FOXRED1: variants seen among roughly 807,000 people sequenced by gnomAD.
FOXRED1 encodes the protein FAD-dependent oxidoreductase domain-containing protein 1.
In FOXRED1, 52 loss-of-function variants were observed where a neutral mutation model predicts 57.8. That is an observed-to-expected ratio of 0.90 (90% confidence interval 0.72 to 1.13). The LOEUF (loss-of-function observed/expected upper bound fraction) is 1.13, where lower values mean the gene tolerates loss of function less well. Ranked by LOEUF, FOXRED1 falls within the 50% of genes most tolerant of loss-of-function variation. FOXRED1 has a pLI of 0.00. For missense variants in FOXRED1, 589 were observed against 625.2 expected (o/e 0.94, Z 0.62); for synonymous variants, 271 against 248.3 (o/e 1.09, Z -0.86).
In FOXRED1 at chr11:126,275,983, C is replaced by T. The variant is rs1000331906; in HGVS notation, c.811-76C>T. The T allele has an allele frequency of 1.3e-6, 2 of 1,593,790 alleles. No homozygotes were observed. The highest frequency in any genetic ancestry group is 2.7e-5 in the African/African-American group (2 of 74,518). On this transcript the variant is annotated intron_variant, in intron 7 of 10. Transcript: ENST00000263578. The surrounding 1 kb of genome is among the most constrained non-coding windows in gnomAD (Gnocchi z 5.9). Reference sequence around the variant, plus strand: ...TTTCCAGTATGGGTAAACTAAGGCTCAGGAAGCAGTGCATCTCTCAGGGTG... The same window carrying T: ...TTTCCAGTATGGGTAAACTAAGGCTTAGGAAGCAGTGCATCTCTCAGGGTG...
chr11:126,273,190 A>G lies in FOXRED1; in HGVS notation c.417+111A>G. 1 of 951,724 alleles carries G rather than the reference A, an allele frequency of 1.1e-6. No homozygotes were observed. Among genetic ancestry groups the G allele is most frequent in the Admixed American group, 1.7e-5 (1 of 59,070 alleles). 59.0% of individuals were successfully genotyped at this position (951,724 alleles called of 1,614,324 possible). Reference sequence around the variant, plus strand: ...GAGAGCAAGAATGGGTCAGCCAACTAGGAGAGGGGGGCCCTGGCCTTCTTC... The same window carrying G: ...GAGAGCAAGAATGGGTCAGCCAACTGGGAGAGGGGGGCCCTGGCCTTCTTC... On this transcript the variant is annotated intron_variant, in intron 3 of 10. Transcript: ENST00000263578. This position sits in a 1 kb window ranked among gnomAD's most constrained non-coding sequence, Gnocchi z 5.9.
Position 126,274,859 on chromosome 11 carries a change from T to G in FOXRED1, c.537-68T>G. 1 of 902,526 alleles carries G rather than the reference T, an allele frequency of 1.1e-6. No homozygotes were observed. The highest frequency in any genetic ancestry group is 1.9e-6 in the Non-Finnish European group (1 of 530,330). 55.9% of individuals were successfully genotyped at this position (902,526 alleles called of 1,614,324 possible). A position where few individuals can be genotyped will look rare whatever the true frequency, so the allele number is the denominator to read the frequency against. On this transcript the variant is annotated intron_variant, in intron 4 of 10. Transcript: ENST00000263578. This position sits in a 1 kb window ranked among gnomAD's most constrained non-coding sequence, Gnocchi z 4.8. ...GGACTCCCCACTTGTGGAGTTGGGGTCCATACATCATCCCCCTGCACACTC... is the reference window on the plus strand; with the variant it reads ...GGACTCCCCACTTGTGGAGTTGGGGGCCATACATCATCCCCCTGCACACTC...
Position 126,277,896 on chromosome 11 carries a change from G to A in FOXRED1, c.*207G>A, listed in dbSNP as rs1951201509. The A allele has an allele frequency of 1.4e-6, 1 of 692,382 alleles. No homozygotes were observed. The highest frequency in any genetic ancestry group is 1.8e-5 in the African/African-American group (1 of 57,004). 42.9% of individuals were successfully genotyped at this position (692,382 alleles called of 1,614,324 possible). Reference sequence around the variant, plus strand: ...ATAGCGAGTGATGAGCGGGATCCTAGGACTGATCTGTAGCCCATGCTGATG... The same window carrying A: ...ATAGCGAGTGATGAGCGGGATCCTAAGACTGATCTGTAGCCCATGCTGATG... On this transcript the variant is annotated 3_prime_UTR_variant, in exon 11 of 11. Coordinates refer to ENST00000263578, the MANE Select transcript of FOXRED1 (RefSeq NM_017547.4). This position sits in a 1 kb window ranked among gnomAD's most constrained non-coding sequence, Gnocchi z 6.8.
At chr11:126,270,437 G>C (rs1451819280) in intron 1 of FOXRED1, among the ~76,000 whole-genome samples, 1 of 152,222 alleles carries the variant, frequency 6.6e-6, no homozygotes, top group African/African-American at 2.4e-5. Flanking sequence ...GGATTTTAGA[G>C]TATGTAACAA....
intron 1 of FOXRED1, among the ~76,000 whole-genome samples, chr11:126,269,824 T>C (rs530565981): frequency 6.6e-6 from 1 of 151,852 alleles, no homozygotes; most frequent in African/African-American, 2.4e-5. Context: ...CCGTCTCTAC[T>C]AAAAATACAA....
rs1302599273 is a variant in FOXRED1, at chr11:126,277,420, T to C, written c.1207-15T>C. 1 of 1,612,630 alleles carries C rather than the reference T, an allele frequency of 6.2e-7. No individual in the cohort carries two copies. The highest frequency in any genetic ancestry group is 1.1e-5 in the South Asian group (1 of 91,054). ...ACAGCCTTCCCGAGAACCCCAGTGT[T>C]TTGTGCACCCGCAGGTTCAGAGCGC... is the stretch of plus-strand genomic sequence containing the variant. On this transcript the variant is annotated splice_polypyrimidine_tract_variant and intron_variant, in intron 10 of 10. Coordinates refer to ENST00000263578, the MANE Select transcript of FOXRED1 (RefSeq NM_017547.4). This position sits in a 1 kb window ranked among gnomAD's most constrained non-coding sequence, Gnocchi z 6.8.
In FOXRED1 at chr11:126,269,394, G is replaced by A. The variant is rs575850448; in HGVS notation, c.85+103G>A. 4 of 1,601,556 alleles carry A rather than the reference G, an allele frequency of 2.5e-6. No individual in the cohort carries two copies. The Admixed American group carries it at 7.0e-5, about 28-fold the overall frequency. On this transcript the variant is annotated intron_variant, in intron 1 of 10. Transcript: ENST00000263578. The stretch of plus-strand genomic sequence containing the variant: ...AACCATGGCCCACACTGGCAGGACA[G>A]TGGGTCGGCTTGGGGAAGGGGGTTA...
Position 126,273,583 on chromosome 11 carries a change from A to C in FOXRED1, c.536+129A>C. On this transcript the variant is annotated intron_variant, in intron 4 of 10. Coordinates refer to ENST00000263578, the MANE Select transcript of FOXRED1 (RefSeq NM_017547.4). The surrounding 1 kb of genome is among the most constrained non-coding windows in gnomAD (Gnocchi z 5.9). Reference sequence around the variant, plus strand: ...CTGCGGTCTAGGACCTCAGTGTGTCAGGAAGAAAATACACAGACCTGCAAT... The same window carrying C: ...CTGCGGTCTAGGACCTCAGTGTGTCCGGAAGAAAATACACAGACCTGCAAT... 1 of 735,572 alleles carries C rather than the reference A, an allele frequency of 1.4e-6. No individual in the cohort carries two copies. The highest frequency in any genetic ancestry group is 2.5e-6 in the Non-Finnish European group (1 of 403,702). The allele number at this position is 735,572 out of a possible 1,614,324, so 45.6% of individuals were successfully genotyped here.
intron 8 of FOXRED1, 41 bp downstream of exon 8, chr11:126,276,260 A>C: frequency 1.5e-6 from 1 of 672,454 alleles, no homozygotes; most frequent in Non-Finnish European, 1.8e-6. Flanking sequence ...GGTGAGAAAG[A>C]AAGAAATGAC....
Position 126,273,258 on chromosome 11 carries a change from C to A in FOXRED1, c.418-78C>A. The A allele has an allele frequency of 8.6e-7, 1 of 1,161,334 alleles. No individual in the cohort carries two copies. The highest frequency in any genetic ancestry group is 1.3e-6 in the Non-Finnish European group (1 of 767,104). 71.9% of individuals were successfully genotyped at this position (1,161,334 alleles called of 1,614,324 possible). On this transcript the variant is annotated intron_variant, in intron 3 of 10. Transcript: ENST00000263578. The surrounding 1 kb of genome is among the most constrained non-coding windows in gnomAD (Gnocchi z 5.9). The stretch of plus-strand genomic sequence containing the variant: ...GGTCTGGGGCACTGAGCCTGGGGAG[C>A]TGTGGGGGAAGAAGGCAGGAAAACT...
rs1292632774 is a variant in FOXRED1 at position 126,271,303 on chromosome 11, T to A, written c.86-134T>A. 2.8e-6 allele frequency: 2 copies of A among 726,132 alleles called. No individual in the cohort carries two copies. The highest frequency in any genetic ancestry group is 5.2e-5 in the East Asian group (2 of 38,152). The allele number at this position is 726,132 out of a possible 1,614,324, so 45.0% of individuals were successfully genotyped here. On this transcript the variant is annotated intron_variant, in intron 1 of 10. Transcript: ENST00000263578. The surrounding 1 kb of genome is among the most constrained non-coding windows in gnomAD (Gnocchi z 5.3). Reference sequence around the variant, plus strand: ...AACACTGTTGGGTGCAAGGTGACCTTATGAGATGGGCTGACAGTGGGGACT... The same window carrying A: ...AACACTGTTGGGTGCAAGGTGACCTAATGAGATGGGCTGACAGTGGGGACT...
intron 9 of FOXRED1, 53 bp downstream of exon 9, chr11:126,276,576 C>T (rs560409280): frequency 1.7e-5 from 27 of 1,580,932 alleles, no homozygotes; most frequent in African/African-American, 1.2e-4. Flanking sequence ...ATAATTGTCA[C>T]GAAACAATCA....
intron 1 of FOXRED1, 146 bp downstream of exon 1, chr11:126,269,437 TG>T (rs1950911704): frequency 6.7e-7 from 1 of 1,486,412 alleles, no homozygotes. Context: ...TACCAGAGCT[TG>T]TAGGGGCTGT....
Position 126,271,234 on chromosome 11 carries a change from C to G in FOXRED1, c.86-203C>G. The G allele has an allele frequency of 2.4e-6, 1 of 413,690 alleles. No individual in the cohort carries two copies. Among genetic ancestry groups the G allele is most frequent in the Non-Finnish European group, 4.1e-6 (1 of 246,466 alleles). 25.6% of individuals were successfully genotyped at this position (413,690 alleles called of 1,614,324 possible). ...GAATCTTGCAGTGCTTGGCACAATG[C>G]ATGAAGAGACTGATGGCATGTGGAC... is the stretch of plus-strand genomic sequence containing the variant. On this transcript the variant is annotated intron_variant, in intron 1 of 10. Transcript: ENST00000263578. The surrounding 1 kb of genome is among the most constrained non-coding windows in gnomAD (Gnocchi z 5.3).
intron 1 of FOXRED1, 120 bp downstream of exon 1, chr11:126,269,411 A>AG: frequency 6.3e-7 from 1 of 1,579,752 alleles, no homozygotes; most frequent in Non-Finnish European, 8.6e-7. Flanking sequence ...GGCTTGGGGA[A>AG]GGGGGTTAGC....
rs79210019 is a variant in FOXRED1 at position 126,269,261 on chromosome 11, C to T, written c.55C>T (p.Pro19Ser). 6.2e-7 allele frequency: 1 copy of T among 1,614,152 alleles called. No homozygotes were observed. The highest frequency in any genetic ancestry group is 1.1e-5 in the South Asian group (1 of 91,084). ...GGGCCGGGGCCTCTTGACCCGGAGG[C>T]CAGGCACGCGCAGAGGAGGCTTTTC... ...GMGRGLLTRR[P>S]GTRRGGFSLD... The change falls in exon 1 of 11, where the codon CCA (proline) becomes TCA (serine). Residue 19 changes from proline to serine, a missense_variant. Transcript: ENST00000263578.
rs766212625 is a variant in FOXRED1, at chr11:126,271,617, G to A, written c.266G>A (p.Arg89Gln). 4.3e-5 allele frequency: 69 copies of A among 1,614,034 alleles called. No individual in the cohort carries two copies. The highest frequency in any genetic ancestry group is 2.7e-4 in the East Asian group (12 of 44,892). Residue 89 changes from arginine to glutamine, a missense_variant, in exon 2 of 11, where the codon CGA becomes CAA. Arg to Gln is a conservative substitution (Grantham distance 43). Coordinates refer to ENST00000263578, the MANE Select transcript of FOXRED1 (RefSeq NM_017547.4). This position sits in a 1 kb window ranked among gnomAD's most constrained non-coding sequence, Gnocchi z 5.3. ...TGGCTGAAGAAGCTGGAGAGCAGAC[G>A]AGGTGCTATTCGAGTGCTAGTGGTG... ...AYWLKKLESRRGAIRVLVVER... is the reference protein window; with the variant it reads ...AYWLKKLESRQGAIRVLVVER...
At position 126,277,818 on chromosome 11, in the gene FOXRED1, C is replaced by G. The variant is rs594318; in HGVS notation, c.*129C>G. ...CTCCCCAGTGTCCTCTCCTCTCAGG[C>G]AGGCCATTGCACCCATATGGCTGGG... On this transcript the variant is annotated 3_prime_UTR_variant, in exon 11 of 11. Transcript: ENST00000263578. The surrounding 1 kb of genome is among the most constrained non-coding windows in gnomAD (Gnocchi z 6.8). The G allele has an allele frequency of 0.25, 249,723 of 1,018,350 alleles. 36,093 individuals are homozygous for G. The highest frequency in any genetic ancestry group is 0.63 in the East Asian group (26,313 of 41,662). 63.1% of individuals were successfully genotyped at this position (1,018,350 alleles called of 1,614,324 possible).
In FOXRED1 at chr11:126,276,425, C is replaced by T. The variant is rs1377083723; in HGVS notation, c.1003C>T (p.Pro335Ser). 1 of 1,504,264 alleles carries T rather than the reference C, an allele frequency of 6.6e-7. No individual in the cohort carries two copies. Among genetic ancestry groups the T allele is most frequent in the South Asian group, 1.1e-5 (1 of 87,942 alleles). The allele number at this position is 1,504,264 out of a possible 1,614,324, so 93.2% of individuals were successfully genotyped here. Residue 335 changes from proline to serine, a missense_variant, in exon 9 of 11, where the codon CCA becomes TCA. Pro to Ser is a moderately conservative substitution (Grantham distance 74). Transcript: ENST00000263578. Reference sequence around the variant, plus strand: ...GTATGTGTGGCACTGCCCCCAGGGACCAGGCCTAGAGACTCCGCTTGTTGC... The same window carrying T: ...GTATGTGTGGCACTGCCCCCAGGGATCAGGCCTAGAGACTCCGCTTGTTGC... ...YVYVWHCPQG[P>S]GLETPLVADT...
Sources: gnomAD v4.1 joint callset for allele counts (sites outside exome capture counted in the v4.1 genomes callset) on GRCh38, gnomAD v4.1.1 for gene constraint, Gnocchi (gnomAD v3.1) non-coding constraint, MANE v1.5 for transcripts, NCBI Gene and HGNC (gene_info 2026-07-23, HGNC 2026-07-21) for gene names.